Variants in CFAP61 observed in about 807,000 individuals in gnomAD.
CFAP61 encodes the protein cilia and flagella associated protein 61, also known as cilia- and flagella-associated protein 61.
A neutral mutation model predicts 135.6 loss-of-function variants in CFAP61; 107 were observed. That is an observed-to-expected ratio of 0.79 (90% CI 0.67 to 0.93). CFAP61 has a LOEUF of 0.93. Among genes scored for constraint, CFAP61 ranks in the 40% least tolerant of loss-of-function variants. The pLI is 0.00. For synonymous variants in CFAP61, 575 were observed against 578.5 expected, an observed-to-expected ratio of 0.99 and a Z score of 0.09; for missense variants, 1,507 against 1,556.2, an observed-to-expected ratio of 0.97 and a Z score of 0.53.
chr20:20,323,402 A>G (rs573306933), intron 25 of CFAP61: 1 of 591,092 alleles, frequency 1.7e-6, no homozygotes, highest in South Asian at 7.4e-5. Flanking sequence ...GAAACCAAAT[A>G]ATAGACCCAT....
rs538722066 is a variant in CFAP61, at chr20:20,200,431, T to C, written c.1932+529T>C. Among the ~76,000 whole-genome samples, 2 of 152,340 alleles carry C rather than the reference T, an allele frequency of 1.3e-5. 1 individual carries two copies. The highest frequency in any genetic ancestry group is 4.1e-4 in the South Asian group (2 of 4,826). On this transcript the variant is annotated intron_variant, in intron 17 of 26. Coordinates refer to ENST00000245957, the MANE Select transcript of CFAP61 (RefSeq NM_015585.4). ...GCTGCCCTGGGGCAGCAGGAGTTTC[T>C]GACCTTAAAATGAATGGCCAGGGGC... is the stretch of plus-strand genomic sequence containing the variant.
intron 17 of CFAP61, among the ~76,000 whole-genome samples, chr20:20,207,325 G>T (rs925262889): frequency 4.6e-5 from 7 of 152,170 alleles, no homozygotes; most frequent in African/African-American, 1.7e-4. Flanking sequence ...CAACAGAAAA[G>T]AAAAAATTCT....
intron 20 of CFAP61, among the ~76,000 whole-genome samples, chr20:20,255,389 G>T (rs1348726581): frequency 2.0e-5 from 3 of 152,178 alleles, no homozygotes. Flanking sequence ...GAAGACTGTG[G>T]TATGGACTGT....
intron 2 of CFAP61, among the ~76,000 whole-genome samples, chr20:20,065,278 G>C (rs200180): frequency 0.13 from 19,609 of 151,848 alleles, 1,513 homozygotes; most frequent in African/African-American, 0.21. Flanking sequence ...TGGATACCTA[G>C]TAGGCACTTG....
chr20:20,169,214 TAATC>T (rs2054045806), intron 12 of CFAP61, 103 bp from the exon 13 acceptor site: 3 of 1,075,686 alleles, frequency 2.8e-6, no homozygotes, highest in South Asian at 3.5e-5. Flanking sequence ...ATCCTCTCCT[TAATC>T]AACACATTTT....
chr20:20,120,707 T>C (rs576980734), intron 8 of CFAP61, among the ~76,000 whole-genome samples: 3 of 152,356 alleles, frequency 2.0e-5, no homozygotes, highest in African/African-American at 7.2e-5. Flanking sequence ...CTAGATAATC[T>C]GTCTACTACT....
intron 1 of CFAP61, chr20:20,056,110 T>C: frequency 1.2e-6 from 1 of 857,070 alleles, no homozygotes. Flanking sequence ...TTAATGGGCC[T>C]GGTGGCCCTT....
intron 9 of CFAP61, among the ~76,000 whole-genome samples, chr20:20,146,693 G>C (rs1237727265): frequency 6.6e-6 from 1 of 152,114 alleles, no homozygotes; most frequent in Non-Finnish European, 1.5e-5. Flanking sequence ...AATGATCTTT[G>C]CATTGAAAAT....
chr20:20,321,375 CTT>C (rs1476842507), intron 25 of CFAP61, among the ~76,000 whole-genome samples: 1 of 152,108 alleles, frequency 6.6e-6, no homozygotes, highest in Non-Finnish European at 1.5e-5. Context: ...GTGATGGTAA[CTT>C]ATATAAGTAA....
chr20:20,134,555 C>G (rs2146728522), intron 8 of CFAP61, among the ~76,000 whole-genome samples: 1 of 152,264 alleles, frequency 6.6e-6, no homozygotes, highest in Non-Finnish European at 1.5e-5. Flanking sequence ...CACAGGAAGA[C>G]TTTACAAAGG....
intron 6 of CFAP61, among the ~76,000 whole-genome samples, chr20:20,079,134 C>T (rs777850675): frequency 3.9e-5 from 6 of 152,220 alleles, no homozygotes; most frequent in Non-Finnish European, 7.3e-5. Flanking sequence ...CCTGCCCAGA[C>T]ATTGGCCTCT....
intron 26 of CFAP61, among the ~76,000 whole-genome samples, chr20:20,346,319 C>G (rs2058634401): frequency 1.3e-5 from 2 of 150,064 alleles, no homozygotes; most frequent in Admixed American, 6.6e-5. Flanking sequence ...GAGTTCGAGA[C>G]CAGTCTGGCC....
At chr20:20,201,046 AATCT>A in intron 17 of CFAP61, 2 of 768,846 alleles carry the variant, frequency 2.6e-6, no homozygotes, top group Non-Finnish European at 3.2e-6. Flanking sequence ...AGGACTTCTC[AATCT>A]ATCTGTCCTT....
Position 20,075,516 on chromosome 20 carries a change from A to T in CFAP61, c.467A>T (p.Gln156Leu), listed in dbSNP as rs1365304991. 2.5e-6 allele frequency: 4 copies of T among 1,614,038 alleles called. No individual in the cohort carries two copies. Among genetic ancestry groups the T allele is most frequent in the Non-Finnish European group, 3.4e-6 (4 of 1,179,990 alleles). The change falls in exon 6 of 27, where the codon CAA (glutamine) becomes CTA (leucine). Residue 156 changes from glutamine (Q) to leucine (L), a missense_variant. Transcript: ENST00000245957. ...TCAACTCTCATAACTGTTTTTGACC[A>T]AGTGGGGAACATCCCGTGTCTGACG... Reference protein sequence around the residue: ...LGSTLITVFDQVGNIPCLTYE... With the variant: ...LGSTLITVFDLVGNIPCLTYE...
rs1569230997 is a variant in CFAP61 at position 20,277,332 on chromosome 20, A to G, written c.2670A>G (p.Leu890=). The change falls in exon 22 of 27, where the codon CTA becomes CTG. Residue 890 remains leucine (L), a synonymous_variant. Coordinates refer to ENST00000245957, the MANE Select transcript of CFAP61 (RefSeq NM_015585.4). ...TGGAGAGCGCCGTGGCGGACGCGCT[A>G]GGAGCCGCCGGAGTCACTATGTACC... The part of the protein sequence containing the change: ...YSVESAVADA[L]GAAGVTMYRD... The G allele has an allele frequency of 2.5e-6, 4 of 1,614,064 alleles. No homozygotes were observed. Among genetic ancestry groups the G allele is most frequent in the Admixed American group, 1.7e-5 (1 of 60,008 alleles).
chr20:20,259,956 T>C (rs1268471478), intron 20 of CFAP61, among the ~76,000 whole-genome samples: 1 of 152,216 alleles, frequency 6.6e-6, no homozygotes, highest in Non-Finnish European at 1.5e-5. Context: ...CTTTAGTTAG[T>C]GGCAGAGAAC....
chr20:20,114,802 T>C (rs1182824179), intron 8 of CFAP61, among the ~76,000 whole-genome samples: 1 of 152,314 alleles, frequency 6.6e-6, no homozygotes, highest in Non-Finnish European at 1.5e-5. Context: ...ATCCTTTTGT[T>C]GATCTCAGAA....
At chr20:20,180,836 T>C (rs1313886258) in intron 13 of CFAP61, among the ~76,000 whole-genome samples, 1 of 152,064 alleles carries the variant, frequency 6.6e-6, no homozygotes, top group Non-Finnish European at 1.5e-5. Flanking sequence ...TAAAAAAGAA[T>C]GAGATCTTGT....
intron 8 of CFAP61, among the ~76,000 whole-genome samples, chr20:20,130,956 A>G (rs2146719974): frequency 6.6e-6 from 1 of 151,918 alleles, no homozygotes; most frequent in South Asian, 2.1e-4. Context: ...GCAGGAACCG[A>G]TCTCCTGCCA....
Sources: gnomAD v4.1 joint callset for allele counts (sites outside exome capture counted in the v4.1 genomes callset) on GRCh38, gnomAD v4.1.1 for gene constraint, MANE v1.5 for transcripts, NCBI Gene and HGNC (gene_info 2026-07-23, HGNC 2026-07-21) for gene names.